The following FAT1 variants were observed in gnomAD, a reference collection of about 807,000 sequenced individuals.
FAT1 encodes the protein protocadherin Fat 1.
A neutral mutation model predicts 329.8 loss-of-function variants in FAT1; 171 were observed. The observed-to-expected ratio is 0.52, with a 90% CI of 0.46 to 0.59. The LOEUF (loss-of-function observed/expected upper bound fraction) is 0.59. Among genes scored for constraint, FAT1 ranks in the 20% least tolerant of loss-of-function variants. The probability of loss-of-function intolerance (pLI) is 0.00; values close to 1 mark genes in which losing one functional copy is unlikely to be tolerated. For missense variants in FAT1, 5,672 were observed against 5,774.4 expected (o/e 0.98, Z 0.57); for synonymous variants, 2,233 against 2,228.6 (o/e 1.00, Z -0.06).
chr4:186,603,421 C>T lies in FAT1; in HGVS notation c.11105G>A (p.Gly3702Asp), dbSNP rs1415071791. The T allele has an allele frequency of 2.5e-6, 4 of 1,613,860 alleles. No individual in the cohort carries two copies. The highest frequency in any genetic ancestry group is 2.2e-5 in the East Asian group (1 of 44,894). Residue 3702 changes from glycine (G) to aspartate (D), a missense_variant, in exon 19 of 27, where the codon GGT (glycine) becomes GAT (aspartate). Transcript: ENST00000441802. Reference protein sequence around the residue: ...LDVLLFVEKPGSAQISTKQLL... With the variant: ...LDVLLFVEKPDSAQISTKQLL... The stretch of plus-strand genomic sequence containing the variant: ...TTGTTTTGTTGAGATCTGAGCACTA[C>T]CTGGTTTCTCTACAAAAAGTAAGAC...
chr4:186,598,986 C>G (rs1174728464), intron 22 of FAT1, among the ~76,000 whole-genome samples: 1 of 152,176 alleles, frequency 6.6e-6, no homozygotes, highest in Non-Finnish European at 1.5e-5. Context: ...CTGTGGTGCC[C>G]TGGGCCAGGG....
chr4:186,611,136 A>G (rs1739424020), intron 14 of FAT1, among the ~76,000 whole-genome samples: 1 of 152,086 alleles, frequency 6.6e-6, no homozygotes, highest in African/African-American at 2.4e-5. Flanking sequence ...TGCTGCTTTG[A>G]TTTTCTATTT....
At chr4:186,664,859 G>A (rs1276590822) in intron 2 of FAT1, among the ~76,000 whole-genome samples, 1 of 152,118 alleles carries the variant, frequency 6.6e-6, no homozygotes, top group African/African-American at 2.4e-5. Context: ...CCCGTTAAAC[G>A]CAAACTACTG....
In FAT1 at chr4:186,593,330, T is replaced by C. The variant is rs145177328; in HGVS notation, c.13138+2359A>G. On this transcript the variant is annotated intron_variant, in intron 26 of 26. Transcript: ENST00000441802. ...GAGGAGACTCTGTCCGTCTGTTTCC[T>C]GTGTAAATTCCCTTTTCATTTGTGT... Among the ~76,000 whole-genome samples the C allele has an allele frequency of 1.1e-3, 168 of 152,372 alleles. 1 individual carries two copies. The highest frequency in any genetic ancestry group is 3.8e-3 in the African/African-American group (159 of 41,594).
intron 2 of FAT1, among the ~76,000 whole-genome samples, chr4:186,674,271 T>C (rs527783058): frequency 1.6e-4 from 24 of 152,316 alleles, no homozygotes; most frequent in African/African-American, 5.8e-4. Context: ...AAGTAACCAA[T>C]GAATTAATGG....
chr4:186,688,560 C>A (rs1334498563), intron 2 of FAT1, among the ~76,000 whole-genome samples: 1 of 151,918 alleles, frequency 6.6e-6, no homozygotes, highest in South Asian at 2.1e-4. Flanking sequence ...TTCAACAGCT[C>A]GGAAGAAATG....
intron 3 of FAT1, among the ~76,000 whole-genome samples, chr4:186,653,075 A>C (rs1002928731): frequency 6.6e-6 from 1 of 152,186 alleles, no homozygotes; most frequent in Non-Finnish European, 1.5e-5. Context: ...AAGCATATGA[A>C]ATGGAAACTG....
At chr4:186,644,091 T>C (rs940078330) in intron 3 of FAT1, among the ~76,000 whole-genome samples, 10 of 152,228 alleles carry the variant, frequency 6.6e-5, no homozygotes, top group Non-Finnish European at 8.8e-5. Flanking sequence ...TAGTAAGTCA[T>C]TAACAAAGCC....
chr4:186,655,525 C>T (rs919006569), intron 3 of FAT1, among the ~76,000 whole-genome samples: 1 of 151,810 alleles, frequency 6.6e-6, no homozygotes, highest in Non-Finnish European at 1.5e-5. Context: ...ACCTCTGCCT[C>T]CTGGGTTCAA....
intron 9 of FAT1, among the ~76,000 whole-genome samples, chr4:186,623,152 C>T (rs1560945887): frequency 6.6e-6 from 1 of 152,234 alleles, no homozygotes; most frequent in African/African-American, 2.4e-5. Context: ...CAAGGCAGTG[C>T]CTCAGTCTGC....
chr4:186,686,375 C>T (rs1351702475), intron 2 of FAT1, among the ~76,000 whole-genome samples: 5 of 152,044 alleles, frequency 3.3e-5, no homozygotes, highest in South Asian at 4.1e-4. Flanking sequence ...GTATGCAACA[C>T]TAAGCTAATG....
rs2126542708 is a variant in FAT1, at chr4:186,628,292, G to C, written c.4672C>G (p.His1558Asp). ...GAGGAAGCGGTGAACCACGGGGCGTGGTCATTCGTGTCGCTGACATTGACC... is the reference window on the plus strand; with the variant it reads ...GAGGAAGCGGTGAACCACGGGGCGTCGTCATTCGTGTCGCTGACATTGACC... ...IVVNVSDTNDHAPWFTASSYK... is the reference protein window; with the variant it reads ...IVVNVSDTNDDAPWFTASSYK... The change falls in exon 9 of 27, where the codon CAC (histidine) becomes GAC (aspartate). Residue 1558 changes from histidine to aspartate, a missense_variant. By Grantham distance (81) the His-to-Asp change is moderately conservative. Transcript: ENST00000441802. 1 of 1,613,622 alleles carries C rather than the reference G, an allele frequency of 6.2e-7. No individual in the cohort carries two copies. Among genetic ancestry groups the C allele is most frequent in the East Asian group, 2.2e-5 (1 of 44,870 alleles).
chr4:186,642,112 C>T (rs764878712), intron 3 of FAT1, among the ~76,000 whole-genome samples: 9 of 152,142 alleles, frequency 5.9e-5, no homozygotes, highest in Admixed American at 1.3e-4. Flanking sequence ...AATTCTCCTC[C>T]GTTAACTCAG....
In FAT1 at chr4:186,628,374, A is replaced by G. The variant is rs1268137855; in HGVS notation, c.4600-10T>C. On this transcript the variant is annotated splice_polypyrimidine_tract_variant and intron_variant, in intron 8 of 26. Transcript: ENST00000441802. Reference sequence around the variant, plus strand: ...CATCTTGATCTCGTACCTAAAAAGAATTGACACATTATCAATCCCATTGGT... The same window carrying G: ...CATCTTGATCTCGTACCTAAAAAGAGTTGACACATTATCAATCCCATTGGT... 1 of 1,611,544 alleles carries G rather than the reference A, an allele frequency of 6.2e-7. No individual in the cohort carries two copies. The highest frequency in any genetic ancestry group is 2.2e-5 in the East Asian group (1 of 44,832).
intron 6 of FAT1, among the ~76,000 whole-genome samples, chr4:186,635,227 A>C (rs1206879060): frequency 1.3e-5 from 2 of 152,182 alleles, no homozygotes; most frequent in Admixed American, 6.5e-5. Context: ...GGAAAAATGG[A>C]CATAAAGTCC....
At chr4:186,593,581 C>T (rs1738345602) in intron 26 of FAT1, among the ~76,000 whole-genome samples, 1 of 152,150 alleles carries the variant, frequency 6.6e-6, no homozygotes, top group Non-Finnish European at 1.5e-5. Flanking sequence ...AACTTTTCTG[C>T]ACAGAGGCGT....
At chr4:186,662,894 T>G (rs12650331) in intron 3 of FAT1, among the ~76,000 whole-genome samples, 1 of 152,088 alleles carries the variant, frequency 6.6e-6, no homozygotes, top group Non-Finnish European at 1.5e-5. Flanking sequence ...TGGAGTGCAG[T>G]GGCACCATCT....
At chr4:186,593,823 T>C (rs962519742) in intron 26 of FAT1, among the ~76,000 whole-genome samples, 1 of 152,152 alleles carries the variant, frequency 6.6e-6, no homozygotes, top group Non-Finnish European at 1.5e-5. Flanking sequence ...AGCTACAGAA[T>C]GACAGCAACA....
chr4:186,668,025 A>G (rs1010989114), intron 2 of FAT1, among the ~76,000 whole-genome samples: 2 of 152,200 alleles, frequency 1.3e-5, no homozygotes, highest in Non-Finnish European at 2.9e-5. Context: ...TGTGGAAGGA[A>G]GGGTCTTCCT....
Sources: allele counts gnomAD v4.1 joint callset (sites outside exome capture counted in the v4.1 genomes callset), GRCh38; gene constraint gnomAD v4.1.1; transcripts MANE v1.5; gene names NCBI Gene and HGNC (gene_info 2026-07-23, HGNC 2026-07-21).